CYFIP1: variants seen among roughly 807,000 people sequenced by gnomAD.
The protein encoded by CYFIP1 is cytoplasmic FMR1-interacting protein 1.
CYFIP1 carries 58 observed loss-of-function variants against 163.5 expected under a neutral mutation model. That is an observed-to-expected ratio of 0.35 (90% CI 0.29 to 0.44). The LOEUF is 0.44. Ranked by LOEUF, CYFIP1 falls within the 20% of genes least tolerant of loss-of-function variation. The pLI, the probability that CYFIP1 is intolerant of heterozygous loss-of-function variation, is 1.00. For synonymous variants in CYFIP1, 663 were observed against 660.7 expected, an observed-to-expected ratio of 1.00 and a Z score of -0.05; for missense variants, 1,338 against 1,653.8, an observed-to-expected ratio of 0.81 and a Z score of 3.31.
Position 22,917,796 on chromosome 15 carries a change from T to G in CYFIP1, c.1666A>C (p.Ser556Arg), listed in dbSNP as rs762890894. The G allele has an allele frequency of 6.2e-7, 1 of 1,608,240 alleles. No individual in the cohort carries two copies. The highest frequency in any genetic ancestry group is 1.3e-5 in the African/African-American group (1 of 74,820). Residue 556 changes from serine to arginine, a missense_variant, in exon 15 of 31, where the codon AGC becomes CGC. By Grantham distance (110) the Ser-to-Arg change is moderately radical (BLOSUM62 -1). Around this residue, in one of 4 missense-constraint regions of CYFIP1, gnomAD observed 824 missense variants for 995.7 expected, o/e 0.83. Transcript: ENST00000617928. The surrounding 1 kb of genome is among the most constrained non-coding windows in gnomAD (Gnocchi z 4.2). ...KVPRRAVGPSSTQLYMVRTML... is the reference protein window; with the variant it reads ...KVPRRAVGPSRTQLYMVRTML... Reference sequence around the variant, plus strand: ...GCTCAAGGGACGAGAACCTGAGTGCTGGAGGGTCCCACGGCGCGGCGTGGT... The same window carrying G: ...GCTCAAGGGACGAGAACCTGAGTGCGGGAGGGTCCCACGGCGCGGCGTGGT...
chr15:22,879,780 A>T (rs2059696580), intron 26 of CYFIP1, 133 bp downstream of exon 26: 1 of 150,446 alleles, frequency 6.6e-6, no homozygotes, highest in Non-Finnish European at 1.1e-5. Context: ...CAACAGCCAC[A>T]AAAAAAAAAA....
chr15:22,906,999 G>A (rs1418356307), intron 21 of CYFIP1, among the ~76,000 whole-genome samples: 1 of 152,124 alleles, frequency 6.6e-6, no homozygotes. Flanking sequence ...AAGAGGGGTT[G>A]GTCAGGGCCA....
Position 22,867,466 on chromosome 15 carries a change from AGCAT to A in CYFIP1, c.*2558_*2561del. ...ATCACCGTGAATCCGGCTTCCTCTG[AGCAT>A]TCGATGGCCTTAGCACCTCATCAAG... On this transcript the variant is annotated 3_prime_UTR_variant, in exon 31 of 31. Transcript: ENST00000617928. 1 of 335,394 alleles carries A rather than the reference AGCAT, an allele frequency of 3.0e-6. No homozygotes were observed. Among genetic ancestry groups the A allele is most frequent in the Non-Finnish European group, 5.3e-6 (1 of 187,814 alleles). The allele number at this position is 335,394 out of a possible 1,614,324, so 20.8% of individuals were successfully genotyped here. A position where few individuals can be genotyped will look rare whatever the true frequency, so the allele number is the denominator to read the frequency against.
intron 1 of CYFIP1, among the ~76,000 whole-genome samples, chr15:22,952,583 A>G (rs1016071282): frequency 3.7e-5 from 5 of 135,740 alleles, no homozygotes; most frequent in African/African-American, 1.4e-4. Flanking sequence ...TGAACCCAGG[A>G]GGCGGAGGTT....
At chr15:22,951,692 C>T (rs887170836) in intron 1 of CYFIP1, among the ~76,000 whole-genome samples, 1 of 152,216 alleles carries the variant, frequency 6.6e-6, no homozygotes, top group African/African-American at 2.4e-5. Flanking sequence ...GCCACAGATC[C>T]CACATGGCAA....
intron 13 of CYFIP1, 21 bp from the exon 14 acceptor site, chr15:22,918,879 G>C (rs1450442688): frequency 1.3e-6 from 2 of 1,563,598 alleles, no homozygotes; most frequent in Non-Finnish European, 1.7e-6. Context: ...CACAGCAACA[G>C]GGACGGCCCT....
Position 22,912,161 on chromosome 15 carries a change from G to T in CYFIP1, c.2082+18C>A. On this transcript the variant is annotated intron_variant, in intron 18 of 30. Coordinates refer to ENST00000617928, the MANE Select transcript of CYFIP1 (RefSeq NM_014608.6). ...TAATTGAAGGAAATGAACAGAAATG[G>T]AGCTGCAGGGGCCTCACCTCGGCCT... 1.9e-6 allele frequency: 3 copies of T among 1,593,218 alleles called. No individual in the cohort carries two copies. The highest frequency in any genetic ancestry group is 2.6e-6 in the Non-Finnish European group (3 of 1,164,362).
At chr15:22,949,288 C>T (rs924890263) in intron 1 of CYFIP1, among the ~76,000 whole-genome samples, 5 of 81,488 alleles carry the variant, frequency 6.1e-5, no homozygotes, top group Non-Finnish European at 1.0e-4. Flanking sequence ...GGGGACCAGG[C>T]GGGCCGGAAG....
intron 1 of CYFIP1, among the ~76,000 whole-genome samples, chr15:22,964,638 A>AC (rs902592529): frequency 6.6e-6 from 1 of 152,078 alleles, no homozygotes; most frequent in Non-Finnish European, 1.5e-5. Flanking sequence ...GGAAAAAGGG[A>AC]CCCCACCCTG....
At chr15:22,903,648 G>A (rs1473754207) in intron 22 of CYFIP1, 58 bp downstream of exon 22, 6 of 1,569,074 alleles carry the variant, frequency 3.8e-6, no homozygotes, top group African/African-American at 1.4e-5. Flanking sequence ...GGAAGCCTGC[G>A]GGGACATGGG....
At chr15:22,947,911 C>T in intron 1 of CYFIP1, 2 of 984,482 alleles carry the variant, frequency 2.0e-6, no homozygotes, top group Non-Finnish European at 2.4e-6. Flanking sequence ...CTAAACACAC[C>T]TTCAGAGCCA....
At chr15:22,930,782 T>A (rs1048111247) in intron 11 of CYFIP1, among the ~76,000 whole-genome samples, 51 of 152,332 alleles carry the variant, frequency 3.3e-4, no homozygotes, top group Non-Finnish European at 2.2e-4. Flanking sequence ...AAAAGCTCTT[T>A]TTAAAAGTAA....
At chr15:22,933,338 G>A (rs143388438) in intron 10 of CYFIP1, among the ~76,000 whole-genome samples, 27 of 148,956 alleles carry the variant, frequency 1.8e-4, no homozygotes, top group African/African-American at 5.9e-4. Context: ...TTTTTGAGAC[G>A]GAGTCTTGCT....
At chr15:22,918,126 G>A (rs991180929) in intron 14 of CYFIP1, among the ~76,000 whole-genome samples, 191 bp from the exon 15 acceptor site, 2 of 152,184 alleles carry the variant, frequency 1.3e-5, no homozygotes, top group African/African-American at 4.8e-5. Context: ...TCTGCCTTCT[G>A]GAGAGTATTA....
rs973450306 is a variant in CYFIP1, at chr15:22,917,759, G to C, written c.1674+29C>G. ...TCAGGGTGGGTCCCCCCAGGGAGAGGGTGCAGGCGGGGCTCAAGGGACGAG... is the reference window on the plus strand; with the variant it reads ...TCAGGGTGGGTCCCCCCAGGGAGAGCGTGCAGGCGGGGCTCAAGGGACGAG... On this transcript the variant is annotated intron_variant, in intron 15 of 30. Transcript: ENST00000617928. The surrounding 1 kb of genome is among the most constrained non-coding windows in gnomAD (Gnocchi z 4.2). 248 of 1,450,880 alleles carry C rather than the reference G, an allele frequency of 1.7e-4. 1 individual carries two copies. The highest frequency in any genetic ancestry group is 2.1e-4 in the Non-Finnish European group (232 of 1,099,878). 89.9% of individuals were successfully genotyped at this position (1,450,880 alleles called of 1,614,324 possible).
chr15:22,955,270 T>C (rs1448642500), intron 1 of CYFIP1, among the ~76,000 whole-genome samples: 1 of 152,034 alleles, frequency 6.6e-6, no homozygotes, highest in Non-Finnish European at 1.5e-5. Flanking sequence ...CATTGGCAAA[T>C]GAGTGGAGGG....
chr15:22,881,571 T>G (rs1299275939), intron 25 of CYFIP1, among the ~76,000 whole-genome samples: 1 of 151,972 alleles, frequency 6.6e-6, no homozygotes, highest in Non-Finnish European at 1.5e-5. Context: ...GACCCAGCAG[T>G]CGGCTCTCTC....
rs2059556841 is a variant in CYFIP1 at position 22,875,495 on chromosome 15, T to G, written c.3043-224A>C. ...CCTAGTAAGTACTTGGAATGTGGCTTGGCACTTGAGGAACTGAATTTTATT... is the reference window on the plus strand; with the variant it reads ...CCTAGTAAGTACTTGGAATGTGGCTGGGCACTTGAGGAACTGAATTTTATT... On this transcript the variant is annotated intron_variant, in intron 26 of 30. Coordinates refer to ENST00000617928, the MANE Select transcript of CYFIP1 (RefSeq NM_014608.6). 1.1e-5 allele frequency: 6 copies of G among 548,084 alleles called. No individual in the cohort carries two copies. The South Asian group carries it at 1.4e-4, about 13-fold the overall frequency. 34.0% of individuals were successfully genotyped at this position (548,084 alleles called of 1,614,324 possible). A position where few individuals can be genotyped will look rare whatever the true frequency, so the allele number is the denominator to read the frequency against.
intron 16 of CYFIP1, 81 bp from the exon 17 acceptor site, chr15:22,914,963 C>T: frequency 2.8e-6 from 4 of 1,442,156 alleles, no homozygotes; most frequent in Non-Finnish European, 3.7e-6. Context: ...GGGCTGTGTG[C>T]TGGGTGCCTG....
Sources: allele counts gnomAD v4.1 joint callset (sites outside exome capture counted in the v4.1 genomes callset), GRCh38; gene constraint gnomAD v4.1.1; regional missense constraint gnomAD v4.1.1; non-coding constraint Gnocchi (gnomAD v3.1); transcripts MANE v1.5; gene names NCBI Gene and HGNC (gene_info 2026-07-23, HGNC 2026-07-21).